Variants in PLPP5 observed in about 807,000 individuals in gnomAD.
PLPP5 encodes the protein phospholipid phosphatase 5.
In PLPP5, 29 loss-of-function variants were observed where a neutral mutation model predicts 23.6. The ratio of observed to expected loss-of-function variants is 1.23; its 90% CI spans 0.92 to 1.68. The LOEUF (loss-of-function observed/expected upper bound fraction) is 1.68, where lower values mean the gene tolerates loss of function less well. Ranked by LOEUF, PLPP5 falls within the 40% of genes most tolerant of loss-of-function variation. The probability of loss-of-function intolerance (pLI) is 0.00; values close to 1 mark genes in which losing one functional copy is unlikely to be tolerated. For missense variants in PLPP5, 315 were observed against 332.1 expected (o/e 0.95, Z 0.40); for synonymous variants, 143 against 131.3 (o/e 1.09, Z -0.61).
chr8:38,268,046 T>G (rs765840933), intron 3 of PLPP5, 86 bp from the exon 4 acceptor site: 16 of 1,599,638 alleles, frequency 1.0e-5, no homozygotes, highest in Non-Finnish European at 1.3e-5. Flanking sequence ...CCGTGCTGTT[T>G]CTGAGATGGA....
chr8:38,265,826 C>CA (rs1487315192), intron 6 of PLPP5, among the ~76,000 whole-genome samples: 1 of 152,094 alleles, frequency 6.6e-6, no homozygotes, highest in Non-Finnish European at 1.5e-5. Context: ...TGTTTTTGAA[C>CA]AAAAGTCCTA....
intron 3 of PLPP5, 71 bp downstream of exon 3, chr8:38,268,300 G>T: frequency 7.3e-7 from 1 of 1,370,876 alleles, no homozygotes; most frequent in Non-Finnish European, 1.0e-6. Context: ...CAGGCTCACC[G>T]TGGCTGAATC....
intron 2 of PLPP5, 200 bp downstream of exon 2, chr8:38,268,680 TTG>T: frequency 1.4e-6 from 2 of 1,431,854 alleles, no homozygotes; most frequent in Non-Finnish European, 1.8e-6. Flanking sequence ...CGGGAAAACG[TTG>T]TCTCAGCCCA....
chr8:38,267,122 TTAA>T, intron 5 of PLPP5, 142 bp downstream of exon 5: 1 of 1,522,876 alleles, frequency 6.6e-7, no homozygotes, highest in Non-Finnish European at 8.8e-7. Flanking sequence ...CTCAGACTTG[TTAA>T]ACTGTGGAGT....
rs775152563 is a variant in PLPP5 at position 38,268,394 on chromosome 8, C to G, written c.251G>C (p.Arg84Thr). The change falls in exon 3 of 7, where the codon AGA becomes ACA. Residue 84 changes from arginine (R) to threonine (T), a missense_variant. Physicochemically the swap from Arg to Thr is moderately conservative, Grantham distance 71. Coordinates refer to ENST00000424479, the MANE Select transcript of PLPP5 (RefSeq NM_001102559.2). ...LAKFLKKADT[R>T]DSRQACLAAS... ...ACCCAGGCAGGCTTGTCTGCTGTCT[C>G]TTGTGTCTGCCTTCTTGAGAAATTT... The G allele has an allele frequency of 3.6e-5, 56 of 1,571,504 alleles. No homozygotes were observed. Among genetic ancestry groups the G allele is most frequent in the Non-Finnish European group, 4.7e-5 (54 of 1,158,394 alleles).
chr8:38,265,176 G>C (rs2130915410), intron 6 of PLPP5: 1 of 436,684 alleles, frequency 2.3e-6, no homozygotes, highest in East Asian at 4.4e-5. Context: ...TGAGGCAGGA[G>C]ACTTGCTTGA....
rs182343676 is a variant in PLPP5 at position 38,266,250 on chromosome 8, T to C, written c.525A>G (p.Thr175=). The part of the protein sequence containing the change: ...FYLAGKLHCF[T]PQGRGKSWRF... ...TCCAAGATTTCCCACGGCCTTGTGG[T>C]GTGAAGCAGTGTAACTTCCCTGCCA... The change falls in exon 6 of 7, where the codon ACA becomes ACG. Residue 175 remains threonine (T), a synonymous_variant. Transcript: ENST00000424479. 1.7e-5 allele frequency: 28 copies of C among 1,613,762 alleles called. No individual in the cohort carries two copies. Among genetic ancestry groups the C allele is most frequent in the African/African-American group, 1.5e-4 (11 of 75,050 alleles).
Position 38,264,206 on chromosome 8 carries a change from G to A in PLPP5, c.*238C>T. 1 of 969,316 alleles carries A rather than the reference G, an allele frequency of 1.0e-6. No individual in the cohort carries two copies. Among genetic ancestry groups the A allele is most frequent in the Non-Finnish European group, 1.3e-6 (1 of 772,438 alleles). The allele number at this position is 969,316 out of a possible 1,614,324, so 60.0% of individuals were successfully genotyped here. ...TCTGTTGCCTAGGCTGGAGTGCAGT[G>A]GTGCGATCTCGGCTCACTGGAACCT... On this transcript the variant is annotated 3_prime_UTR_variant, in exon 7 of 7. Transcript: ENST00000424479.
intron 6 of PLPP5, among the ~76,000 whole-genome samples, chr8:38,265,895 T>A (rs937554801): frequency 2.6e-5 from 4 of 152,260 alleles, no homozygotes; most frequent in Non-Finnish European, 4.4e-5. Context: ...AAATTTCCTG[T>A]AGATGCAGTT....
At position 38,263,872 on chromosome 8, in the gene PLPP5, A is replaced by C; in HGVS notation, c.*572T>G. 4 of 985,282 alleles carry C rather than the reference A, an allele frequency of 4.1e-6. No homozygotes were observed. The highest frequency in any genetic ancestry group is 4.8e-6 in the Non-Finnish European group (4 of 829,776). The allele number at this position is 985,282 out of a possible 1,614,324, so 61.0% of individuals were successfully genotyped here. ...TAAATTAAATGTAAAAACACTGTAG[A>C]TCTTCAGATATTAATCTGATAGACC... On this transcript the variant is annotated 3_prime_UTR_variant, in exon 7 of 7. Transcript: ENST00000424479.
rs1029401415 is a variant in PLPP5, at chr8:38,263,737, T to C, written c.*707A>G. 3.0e-6 allele frequency: 3 copies of C among 985,394 alleles called. No individual in the cohort carries two copies. The highest frequency in any genetic ancestry group is 9.4e-5 in the South Asian group (2 of 21,274). 61.0% of individuals were successfully genotyped at this position (985,394 alleles called of 1,614,324 possible). ...TGGCCATGCCCTAGATTTTAAGATT[T>C]TGAGCTATATGAAATGGAAATTAAG... On this transcript the variant is annotated 3_prime_UTR_variant, in exon 7 of 7. Coordinates refer to ENST00000424479, the MANE Select transcript of PLPP5 (RefSeq NM_001102559.2).
In PLPP5 at chr8:38,263,637, A is replaced by G; in HGVS notation, c.*807T>C. On this transcript the variant is annotated 3_prime_UTR_variant, in exon 7 of 7. Transcript: ENST00000424479. The stretch of plus-strand genomic sequence containing the variant: ...GCACACAAAAGTGATAAATTACCCT[A>G]GATTCGACATTTTCCTATTTAAGGC... 1.0e-6 allele frequency: 1 copy of G among 985,450 alleles called. No homozygotes were observed. Among genetic ancestry groups the G allele is most frequent in the Non-Finnish European group, 1.2e-6 (1 of 829,924 alleles). 61.0% of individuals were successfully genotyped at this position (985,450 alleles called of 1,614,324 possible). A position where few individuals can be genotyped will look rare whatever the true frequency, so the allele number is the denominator to read the frequency against.
Position 38,264,068 on chromosome 8 carries a change from G to A in PLPP5, c.*376C>T. 1.0e-6 allele frequency: 1 copy of A among 989,930 alleles called. No individual in the cohort carries two copies. Among genetic ancestry groups the A allele is most frequent in the Non-Finnish European group, 1.2e-6 (1 of 833,046 alleles). The allele number at this position is 989,930 out of a possible 1,614,324, so 61.3% of individuals were successfully genotyped here. On this transcript the variant is annotated 3_prime_UTR_variant, in exon 7 of 7. Coordinates refer to ENST00000424479, the MANE Select transcript of PLPP5 (RefSeq NM_001102559.2). ...ATGTCCTCACTTGCACCTTGGAAGG[G>A]GAAAAAAAGGCTAGAATTTCTTGTC...
chr8:38,268,847 TG>T, intron 2 of PLPP5, 34 bp downstream of exon 2: 2 of 1,515,064 alleles, frequency 1.3e-6, no homozygotes, highest in South Asian at 1.3e-5. Context: ...AGCCGGGTCA[TG>T]GGGAGGGAGG....
At chr8:38,268,712 C>T (rs1808138214) in intron 2 of PLPP5, 170 bp downstream of exon 2, 5 of 1,432,890 alleles carry the variant, frequency 3.5e-6, no homozygotes, top group Non-Finnish European at 4.6e-6. Flanking sequence ...GGACACCCTC[C>T]TCTCTCAATC....
At chr8:38,268,281 G>A in intron 3 of PLPP5, 90 bp downstream of exon 3, 1 of 1,216,332 alleles carries the variant, frequency 8.2e-7, no homozygotes, top group Non-Finnish European at 1.2e-6. Flanking sequence ...GAACTCAGTG[G>A]CCTCCACACA....
Position 38,267,777 on chromosome 8 carries a change from A to T in PLPP5, c.338+120T>A, listed in dbSNP as rs536490745. ...GTAAGCGTTGAATGACAAAAGAAAA[A>T]TCAGAGTGAAGATAAAGGAGAAAAG... On this transcript the variant is annotated intron_variant, in intron 4 of 6. Transcript: ENST00000424479. 29 of 1,065,200 alleles carry T rather than the reference A, an allele frequency of 2.7e-5. No homozygotes were observed. The African/African-American group carries it at 4.1e-4, about 15-fold the overall frequency. 66.0% of individuals were successfully genotyped at this position (1,065,200 alleles called of 1,614,324 possible).
chr8:38,268,842 G>T, intron 2 of PLPP5, 40 bp downstream of exon 2: 1 of 1,503,020 alleles, frequency 6.7e-7, no homozygotes, highest in Non-Finnish European at 8.9e-7. Flanking sequence ...CGGGAAGCCG[G>T]GTCATGGGGA....
intron 2 of PLPP5, 199 bp downstream of exon 2, chr8:38,268,683 T>G: frequency 4.9e-6 from 7 of 1,432,300 alleles, no homozygotes; most frequent in Non-Finnish European, 6.4e-6. Context: ...GAAAACGTTG[T>G]CTCAGCCCAA....
Sources: gnomAD v4.1 joint callset for allele counts (sites outside exome capture counted in the v4.1 genomes callset) on GRCh38, gnomAD v4.1.1 for gene constraint, MANE v1.5 for transcripts, NCBI Gene and HGNC (gene_info 2026-07-23, HGNC 2026-07-21) for gene names.